Variants in GALNT18 observed in about 807,000 individuals in gnomAD.
The protein encoded by GALNT18 is GalNAc-transferase 18.
Under a neutral mutation model 69.5 loss-of-function variants are expected in GALNT18, and 44 were observed. The observed-to-expected ratio is 0.63, with a 90% CI of 0.50 to 0.81. The LOEUF (loss-of-function observed/expected upper bound fraction) is 0.81, where lower values mean the gene tolerates loss of function less well. Among genes scored for constraint, GALNT18 ranks in the 40% least tolerant of loss-of-function variants. GALNT18 has a pLI of 0.00. For synonymous variants in GALNT18, 364 were observed against 318.2 expected (o/e 1.14, Z -1.53); for missense variants, 715 against 810.0 (o/e 0.88, Z 1.42).
intron 1 of GALNT18, among the ~76,000 whole-genome samples, chr11:11,487,458 C>T (rs10765859): frequency 6.6e-6 from 1 of 152,060 alleles, no homozygotes; most frequent in African/African-American, 2.4e-5. Context: ...ATATTGCATC[C>T]ACATTATTTA....
At chr11:11,366,609 G>C (rs186413771) in intron 6 of GALNT18, among the ~76,000 whole-genome samples, 150 of 152,308 alleles carry the variant, frequency 9.8e-4, no homozygotes, top group Middle Eastern at 3.4e-3. Context: ...TGATTGCTGT[G>C]AGCAATAAAT....
intron 3 of GALNT18, among the ~76,000 whole-genome samples, chr11:11,380,672 C>T (rs981448410): frequency 3.3e-5 from 5 of 152,226 alleles, no homozygotes; most frequent in African/African-American, 7.2e-5. Flanking sequence ...TCTGTGGATG[C>T]GGGTGCATGT....
chr11:11,373,267 G>C (rs997404058), intron 5 of GALNT18, among the ~76,000 whole-genome samples: 2 of 152,162 alleles, frequency 1.3e-5, no homozygotes, highest in Non-Finnish European at 2.9e-5. Flanking sequence ...GCTCATTGCT[G>C]TATCCAGGTG....
chr11:11,290,798 G>A (rs1260661591), intron 10 of GALNT18, among the ~76,000 whole-genome samples: 1 of 152,134 alleles, frequency 6.6e-6, no homozygotes, highest in Non-Finnish European at 1.5e-5. Context: ...CAGAGGCCCA[G>A]CAGGTCTGGC....
At chr11:11,521,064 G>T (rs1292812695) in intron 1 of GALNT18, among the ~76,000 whole-genome samples, 5 of 151,808 alleles carry the variant, frequency 3.3e-5, no homozygotes, top group African/African-American at 1.2e-4. Flanking sequence ...TCTCACTGGG[G>T]CTGACAGCAG....
At chr11:11,429,041 G>A (rs1325196911) in intron 3 of GALNT18, among the ~76,000 whole-genome samples, 3 of 152,148 alleles carry the variant, frequency 2.0e-5, no homozygotes, top group South Asian at 2.1e-4. Flanking sequence ...AAGAATCCTC[G>A]AGGAAAAATC....
Position 11,546,131 on chromosome 11 carries a change from T to C in GALNT18, c.235+75228A>G, listed in dbSNP as rs2133962549. Among the ~76,000 whole-genome samples the C allele has an allele frequency of 6.6e-6, 1 of 152,260 alleles. No individual in the cohort carries two copies. Among genetic ancestry groups the C allele is most frequent in the Admixed American group, 6.5e-5 (1 of 15,298 alleles). On this transcript the variant is annotated intron_variant, in intron 1 of 10. Transcript: ENST00000227756. This position sits in a 1 kb window ranked among gnomAD's most constrained non-coding sequence, Gnocchi z 5.8. ...GGTGTCTGTGACACAATCTGAGCCC[T>C]GGTATCCCTGAGAAGGCTTACAAGC...
Position 11,369,047 on chromosome 11 carries a change from C to A in GALNT18, c.1092+3468G>T, listed in dbSNP as rs149052278. On this transcript the variant is annotated intron_variant, in intron 6 of 10. Transcript: ENST00000227756. ...CCAGCTTTATGGGAAGTAAGGCAAG[C>A]CTTAGGCTTTCTGTTCTCTGTATTC... Among the ~76,000 whole-genome samples the A allele has an allele frequency of 1.2e-3, 190 of 152,326 alleles. 1 individual carries two copies. Among genetic ancestry groups the A allele is most frequent in the African/African-American group, 4.3e-3 (180 of 41,572 alleles).
chr11:11,476,574 T>C (rs1402841901), intron 1 of GALNT18: 1 of 152,214 alleles, frequency 6.6e-6, no homozygotes, highest in African/African-American at 2.4e-5. Context: ...ACAGCTCCGG[T>C]GACAAGGATG....
intron 10 of GALNT18, among the ~76,000 whole-genome samples, chr11:11,277,695 G>A (rs1449733677): frequency 3.3e-5 from 5 of 152,128 alleles, no homozygotes; most frequent in African/African-American, 1.2e-4. Context: ...ATTCTGGTAT[G>A]TTGTGTCTTT....
At chr11:11,293,824 C>T (rs768071343) in intron 9 of GALNT18, among the ~76,000 whole-genome samples, 3 of 152,138 alleles carry the variant, frequency 2.0e-5, no homozygotes, top group Non-Finnish European at 4.4e-5. Flanking sequence ...CTGATTTCCT[C>T]CCTTCATAAA....
intron 9 of GALNT18, among the ~76,000 whole-genome samples, chr11:11,313,846 T>A (rs78425129): frequency 0.039 from 5,900 of 152,242 alleles, 333 homozygotes; most frequent in African/African-American, 0.13. Flanking sequence ...ACAAAGCACT[T>A]AGAAAGATGC....
chr11:11,425,731 G>C (rs1855114607), intron 3 of GALNT18, among the ~76,000 whole-genome samples: 1 of 152,126 alleles, frequency 6.6e-6, no homozygotes, highest in Non-Finnish European at 1.5e-5. Context: ...CACTTGCTCT[G>C]TGCCAGGTAC....
chr11:11,467,464 C>T (rs570298959), intron 1 of GALNT18, among the ~76,000 whole-genome samples: 3 of 152,314 alleles, frequency 2.0e-5, no homozygotes, highest in South Asian at 2.1e-4. Flanking sequence ...ACAGCACAGG[C>T]GCCATGCCAG....
intron 1 of GALNT18, among the ~76,000 whole-genome samples, chr11:11,529,439 G>C (rs144598512): frequency 1.2e-4 from 18 of 152,224 alleles, no homozygotes; most frequent in Non-Finnish European, 1.5e-4. Flanking sequence ...ATGAACATTT[G>C]TTCTTCTTGG....
chr11:11,302,848 T>C (rs543031765), intron 9 of GALNT18, among the ~76,000 whole-genome samples: 65 of 152,346 alleles, frequency 4.3e-4, no homozygotes, highest in Non-Finnish European at 7.9e-4. Context: ...CAGCCCTCAG[T>C]GGCTGTCCTT....
intron 1 of GALNT18, among the ~76,000 whole-genome samples, chr11:11,486,916 G>A (rs1372583601): frequency 6.6e-6 from 1 of 152,224 alleles, no homozygotes; most frequent in Non-Finnish European, 1.5e-5. Flanking sequence ...AAATGTTCCT[G>A]CCATCTCCCT....
intron 3 of GALNT18, among the ~76,000 whole-genome samples, chr11:11,395,492 G>A (rs572144214): frequency 1.3e-5 from 2 of 152,336 alleles, no homozygotes; most frequent in Non-Finnish European, 1.5e-5. Flanking sequence ...CATGAGATGG[G>A]GAAACTGAGA....
chr11:11,598,565 A>C lies in GALNT18; in HGVS notation c.235+22794T>G, dbSNP rs1859557551. On this transcript the variant is annotated intron_variant, in intron 1 of 10. Coordinates refer to ENST00000227756, the MANE Select transcript of GALNT18 (RefSeq NM_198516.3). This position sits in a 1 kb window ranked among gnomAD's most constrained non-coding sequence, Gnocchi z 4.8. ...CATCTGAATAATCCAGGATAAACCC[A>C]TCATCTCAAAACCTTAACTAATTCA... Among the ~76,000 whole-genome samples, 2 of 152,332 alleles carry C rather than the reference A, an allele frequency of 1.3e-5. No homozygotes were observed. The highest frequency in any genetic ancestry group is 2.1e-4 in the South Asian group (1 of 4,830).
Sources: gnomAD v4.1 joint callset for allele counts (sites outside exome capture counted in the v4.1 genomes callset) on GRCh38, gnomAD v4.1.1 for gene constraint, Gnocchi (gnomAD v3.1) non-coding constraint, MANE v1.5 for transcripts, NCBI Gene and HGNC (gene_info 2026-07-23, HGNC 2026-07-21) for gene names.